IGFBP7: variants seen among roughly 807,000 people sequenced by gnomAD.
IGFBP7 encodes the protein insulin like growth factor binding protein 7, also known as insulin-like growth factor-binding protein 7.
In IGFBP7, 31 loss-of-function variants were observed where a neutral mutation model predicts 29.4. The observed-to-expected ratio is 1.05, with a 90% CI of 0.79 to 1.42. The LOEUF is 1.42. Ranked by LOEUF, IGFBP7 falls within the 40% of genes most tolerant of loss-of-function variation. The pLI, the probability that IGFBP7 is intolerant of heterozygous loss-of-function variation, is 0.00. For missense variants in IGFBP7, 393 were observed against 395.5 expected (o/e 0.99, Z 0.05); for synonymous variants, 172 against 174.9 (o/e 0.98, Z 0.13).
At chr4:57,084,788 G>GAATTTTTTTTTTT (rs71657252) in intron 1 of IGFBP7, among the ~76,000 whole-genome samples, 1 of 113,104 alleles carries the variant, frequency 8.8e-6, no homozygotes. Context: ...TTTAAAAAAG[G>GAATTTTTTTTTTT]TTTTTTTTTT....
At chr4:57,074,073 T>TTA (rs1725135056) in intron 1 of IGFBP7, among the ~76,000 whole-genome samples, 2 of 150,388 alleles carry the variant, frequency 1.3e-5, no homozygotes, top group Non-Finnish European at 3.0e-5. Flanking sequence ...CTCTCTTTTT[T>TTA]CTTTTGAGAC....
At chr4:57,063,659 G>A (rs1724849493) in intron 1 of IGFBP7, among the ~76,000 whole-genome samples, 1 of 152,168 alleles carries the variant, frequency 6.6e-6, no homozygotes, top group South Asian at 2.1e-4. Context: ...GCATGGTTTA[G>A]CATTTGGAAA....
chr4:57,072,007 T>C (rs1439394500), intron 1 of IGFBP7, among the ~76,000 whole-genome samples: 1 of 152,010 alleles, frequency 6.6e-6, no homozygotes, highest in Non-Finnish European at 1.5e-5. Context: ...AAAAACCTTT[T>C]ATTTTAGGTT....
chr4:57,071,201 T>C (rs1179799391), intron 1 of IGFBP7, among the ~76,000 whole-genome samples: 8 of 143,718 alleles, frequency 5.6e-5, no homozygotes, highest in Non-Finnish European at 1.2e-4. Flanking sequence ...GTTTTTGATA[T>C]ATTGGGGGGG....
Position 57,057,384 on chromosome 4 carries a change from C to T in IGFBP7, c.476-16451G>A, listed in dbSNP as rs183876848. 3.0e-4 allele frequency among the ~76,000 whole-genome samples: 46 copies of T among 152,346 alleles called. 1 individual carries two copies. Among genetic ancestry groups the T allele is most frequent in the African/African-American group, 9.1e-4 (38 of 41,580 alleles). On this transcript the variant is annotated intron_variant, in intron 1 of 4. Coordinates refer to ENST00000295666, the MANE Select transcript of IGFBP7 (RefSeq NM_001553.3). ...AGAAACTACATGCAAAGTATCCTAA[C>T]GGTCACGTGAACCTGGGGCTTATTG...
At chr4:57,094,007 T>G (rs1261370344) in intron 1 of IGFBP7, among the ~76,000 whole-genome samples, 1 of 152,064 alleles carries the variant, frequency 6.6e-6, no homozygotes, top group Non-Finnish European at 1.5e-5. Flanking sequence ...TTGAGGGGTG[T>G]GTGTGTGCAT....
In IGFBP7 at chr4:57,043,826, A is replaced by G. The variant is rs571515116; in HGVS notation, c.476-2893T>C. On this transcript the variant is annotated intron_variant, in intron 1 of 4. Transcript: ENST00000295666. ...CATTTCCTAGTCTGGATGCAGCAAT[A>G]CAGAACCCTGCAAAGGGCTGGGCCT... is the stretch of plus-strand genomic sequence containing the variant. Among the ~76,000 whole-genome samples the G allele has an allele frequency of 3.9e-3, 601 of 152,276 alleles. 2 individuals are homozygous for G. Among genetic ancestry groups the G allele is most frequent in the Non-Finnish European group, 6.2e-3 (419 of 68,016 alleles).
At chr4:57,103,997 A>G (rs1264714409) in intron 1 of IGFBP7, among the ~76,000 whole-genome samples, 1 of 151,876 alleles carries the variant, frequency 6.6e-6, no homozygotes, top group Non-Finnish European at 1.5e-5. Flanking sequence ...CATCTTGCCA[A>G]TCCTGTCCCC....
chr4:57,102,018 A>G (rs1725909918), intron 1 of IGFBP7, among the ~76,000 whole-genome samples: 2 of 152,202 alleles, frequency 1.3e-5, no homozygotes, highest in Admixed American at 1.3e-4. Context: ...TTTTTTGACG[A>G]TAATTCAGGG....
chr4:57,042,607 C>T (rs1724257628), intron 1 of IGFBP7, among the ~76,000 whole-genome samples: 1 of 152,160 alleles, frequency 6.6e-6, no homozygotes, highest in Non-Finnish European at 1.5e-5. Context: ...CTTGGCCTCC[C>T]AAAGTGTTGG....
intron 1 of IGFBP7, among the ~76,000 whole-genome samples, chr4:57,074,064 TC>T (rs67786483): frequency 1.7e-4 from 2 of 11,582 alleles, no homozygotes; most frequent in African/African-American, 3.5e-4. Flanking sequence ...TCTCTCTCTC[TC>T]TCTTTTTTCT....
At chr4:57,050,347 C>T (rs2003274) in intron 1 of IGFBP7, among the ~76,000 whole-genome samples, 28,356 of 150,938 alleles carry the variant, frequency 0.19, 2,842 homozygotes, top group Admixed American at 0.29. Context: ...TGGGTTCAAG[C>T]GATTCTCCTG....
chr4:57,062,391 C>T (rs1251862912), intron 1 of IGFBP7, among the ~76,000 whole-genome samples: 1 of 152,160 alleles, frequency 6.6e-6, no homozygotes, highest in African/African-American at 2.4e-5. Flanking sequence ...GAGAAAAGGT[C>T]ACATATTGCT....
intron 1 of IGFBP7, among the ~76,000 whole-genome samples, chr4:57,064,416 G>A (rs1724871420): frequency 6.6e-6 from 1 of 152,170 alleles, no homozygotes; most frequent in South Asian, 2.1e-4. Flanking sequence ...TTTATATTGG[G>A]AAAATGGATT....
At chr4:57,042,549 C>T (rs1275308579) in intron 1 of IGFBP7, among the ~76,000 whole-genome samples, 4 of 152,102 alleles carry the variant, frequency 2.6e-5, no homozygotes, top group South Asian at 2.1e-4. Context: ...CATTTTGCCA[C>T]GTTGGCCAGG....
intron 1 of IGFBP7, among the ~76,000 whole-genome samples, chr4:57,063,816 G>T (rs17787430): frequency 0.063 from 9,642 of 152,224 alleles, 391 homozygotes; most frequent in South Asian, 0.092. Context: ...AATGACCAGA[G>T]TTGCTGATTC....
chr4:57,066,317 T>G (rs746581673), intron 1 of IGFBP7, among the ~76,000 whole-genome samples: 2 of 152,168 alleles, frequency 1.3e-5, no homozygotes, highest in African/African-American at 2.4e-5. Flanking sequence ...GTCCATGTGA[T>G]GAGGAACTGG....
In IGFBP7 at chr4:57,033,303, C is replaced by G; in HGVS notation, c.594G>C (p.Arg198Ser). The G allele has an allele frequency of 6.2e-7, 1 of 1,611,282 alleles. No individual in the cohort carries two copies. The highest frequency in any genetic ancestry group is 1.1e-5 in the South Asian group (1 of 91,026). ...TPVLIWNKVKRGHYGVQRTEL... is the reference protein window; with the variant it reads ...TPVLIWNKVKSGHYGVQRTEL... ...CTGTCCTTTGAACTCCATAGTGACCCCTTTTTACCTGCAAAAACAAAAGGA... is the reference window on the plus strand; with the variant it reads ...CTGTCCTTTGAACTCCATAGTGACCGCTTTTTACCTGCAAAAACAAAAGGA... Residue 198 changes from arginine (R) to serine (S), a missense_variant, in exon 3 of 5, where the codon AGG becomes AGC. Arg to Ser is a moderately radical substitution (Grantham distance 110). Transcript: ENST00000295666.
chr4:57,091,973 A>G (rs1226639582), intron 1 of IGFBP7, among the ~76,000 whole-genome samples: 2 of 152,210 alleles, frequency 1.3e-5, no homozygotes, highest in Admixed American at 6.5e-5. Flanking sequence ...CGGTCAAATC[A>G]TGGTCTCAGT....
Sources: allele counts gnomAD v4.1 joint callset (sites outside exome capture counted in the v4.1 genomes callset), GRCh38; gene constraint gnomAD v4.1.1; transcripts MANE v1.5; gene names NCBI Gene and HGNC (gene_info 2026-07-23, HGNC 2026-07-21).